Variants in ZNF730 observed in about 807,000 individuals in gnomAD.
The protein encoded by ZNF730 is putative zinc finger protein 730.
Under a neutral mutation model 12.6 loss-of-function variants are expected in ZNF730, and 12 were observed. That is an observed-to-expected ratio of 0.95 (90% CI 0.61 to 1.54). The LOEUF (loss-of-function observed/expected upper bound fraction) is 1.54, where lower values mean the gene tolerates loss of function less well. ZNF730 is among the 40% of genes most tolerant of loss of function. ZNF730 has a pLI of 0.00. For synonymous variants in ZNF730, 194 were observed against 195.8 expected (o/e 0.99, Z 0.08); for missense variants, 643 against 583.5 (o/e 1.10, Z -1.05).
intron 1 of ZNF730, among the ~76,000 whole-genome samples, chr19:23,111,995 C>A (rs1365937003): frequency 4.3e-5 from 5 of 115,750 alleles, no homozygotes; most frequent in Non-Finnish European, 7.6e-5. Context: ...ATGAAGAAAG[C>A]CTTAAGGTGA....
At chr19:23,098,578 C>T (rs1323673004) in intron 1 of ZNF730, among the ~76,000 whole-genome samples, 5 of 152,180 alleles carry the variant, frequency 3.3e-5, no homozygotes, top group Admixed American at 2.0e-4. Context: ...TCCATTTCTA[C>T]CTGTCCCCTG....
chr19:23,106,684 G>A (rs1970395743), intron 1 of ZNF730, among the ~76,000 whole-genome samples: 4 of 151,982 alleles, frequency 2.6e-5, no homozygotes, highest in African/African-American at 7.2e-5. Flanking sequence ...CCAGCTCCTC[G>A]GGAGGTTGAG....
rs560819164 is a variant in ZNF730 at position 23,135,800 on chromosome 19, C to T, written c.131-148C>T. 1,324 of 658,114 alleles carry T rather than the reference C, an allele frequency of 2.0e-3. 6 individuals are homozygous for T. The highest frequency in any genetic ancestry group is 0.013 in the South Asian group (530 of 41,328). 40.8% of individuals were successfully genotyped at this position (658,114 alleles called of 1,614,324 possible). On this transcript the variant is annotated intron_variant, in intron 2 of 3. Coordinates refer to ENST00000597761, the MANE Select transcript of ZNF730 (RefSeq NM_001277403.2). ...TGCTGGTATTAAAGGCATGAGCCAC[C>T]GTGCCTGGTCTATTTAGAAAATTTT...
At chr19:23,117,784 G>C (rs940732034) in intron 1 of ZNF730, among the ~76,000 whole-genome samples, 4 of 152,028 alleles carry the variant, frequency 2.6e-5, no homozygotes, top group Admixed American at 2.6e-4. Flanking sequence ...CAAATTTTCT[G>C]GTTATGTAAT....
At position 23,145,367 on chromosome 19, in the gene ZNF730, A is replaced by C. The variant is rs779571411; in HGVS notation, c.323A>C (p.His108Pro). 1 of 1,594,518 alleles carries C rather than the reference A, an allele frequency of 6.3e-7. No homozygotes were observed. Among genetic ancestry groups the C allele is most frequent in the Non-Finnish European group, 8.5e-7 (1 of 1,171,036 alleles). ...CTGAGACAATATAAAAAATGTAGAC[A>C]TGAGAATTTACTGTTAAGAAAAGGC... Reference protein sequence around the residue: ...VILRQYKKCRHENLLLRKGCK... With the variant: ...VILRQYKKCRPENLLLRKGCK... The change falls in exon 4 of 4, where the codon CAT (histidine) becomes CCT (proline). Residue 108 changes from histidine to proline, a missense_variant. His to Pro is a moderately conservative substitution (Grantham distance 77). Coordinates refer to ENST00000597761, the MANE Select transcript of ZNF730 (RefSeq NM_001277403.2).
intron 1 of ZNF730, among the ~76,000 whole-genome samples, chr19:23,120,687 T>G (rs929785755): frequency 6.6e-6 from 1 of 152,162 alleles, no homozygotes; most frequent in Non-Finnish European, 1.5e-5. Flanking sequence ...TTTGTATGAC[T>G]TTTCATGTCT....
At chr19:23,100,187 G>C (rs1230253903) in intron 1 of ZNF730, 1 of 152,082 alleles carries the variant, frequency 6.6e-6, no homozygotes, top group Non-Finnish European at 1.5e-5. Flanking sequence ...TCTCCTTCCT[G>C]GTCCATGCCC....
intron 1 of ZNF730, among the ~76,000 whole-genome samples, chr19:23,132,424 C>T (rs1368060175): frequency 6.6e-6 from 1 of 152,108 alleles, no homozygotes; most frequent in Non-Finnish European, 1.5e-5. Context: ...TTGTGCTTTT[C>T]CTCTTAAATG....
Position 23,145,780 on chromosome 19 carries a change from CATAAG to C in ZNF730, c.738_742del (p.His246GlnfsTer12). The C allele has an allele frequency of 6.3e-7, 1 of 1,579,462 alleles. No individual in the cohort carries two copies. Among genetic ancestry groups the C allele is most frequent in the African/African-American group, 1.4e-5 (1 of 73,736 alleles). The stretch of plus-strand genomic sequence containing the variant: ...TAACTGGTTTTCACATTTTACTACA[CATAAG>C]AGAATTCATACTGGAGAAAAACCCT... On this transcript the variant is annotated frameshift_variant, in exon 4 of 4. Coordinates refer to ENST00000597761, the MANE Select transcript of ZNF730 (RefSeq NM_001277403.2). LOFTEE classifies it low-confidence loss of function (END_TRUNC).
intron 1 of ZNF730, among the ~76,000 whole-genome samples, chr19:23,092,097 T>G (rs934472725): frequency 1.3e-5 from 2 of 152,172 alleles, no homozygotes; most frequent in African/African-American, 4.8e-5. Flanking sequence ...TGAATATCTC[T>G]CTCAAGATCT....
intron 1 of ZNF730, among the ~76,000 whole-genome samples, chr19:23,106,690 T>C (rs1329150476): frequency 6.6e-6 from 1 of 151,494 alleles, no homozygotes; most frequent in Non-Finnish European, 1.5e-5. Context: ...CCTCGGGAGG[T>C]TGAGGCAGGA....
At chr19:23,076,636 G>A (rs1464646942) in intron 1 of ZNF730, among the ~76,000 whole-genome samples, 1 of 152,106 alleles carries the variant, frequency 6.6e-6, no homozygotes, top group African/African-American at 2.4e-5. Context: ...GCAACTGGGT[G>A]GTCTGGGCCT....
chr19:23,102,979 G>T (rs1163438514), intron 1 of ZNF730, among the ~76,000 whole-genome samples: 1 of 152,158 alleles, frequency 6.6e-6, no homozygotes, highest in Non-Finnish European at 1.5e-5. Flanking sequence ...CCAGCGTTCA[G>T]AACACAGGTG....
intron 1 of ZNF730, among the ~76,000 whole-genome samples, chr19:23,111,644 G>A (rs1195627811): frequency 1.3e-5 from 2 of 152,060 alleles, no homozygotes; most frequent in East Asian, 3.9e-4. Context: ...AGCTACTCGG[G>A]AGGCTGAGGC....
chr19:23,141,666 T>C (rs1032230515), intron 3 of ZNF730, among the ~76,000 whole-genome samples: 3 of 152,102 alleles, frequency 2.0e-5, no homozygotes, highest in African/African-American at 7.2e-5. Context: ...TTAGTTTTTT[T>C]CTCATTATTT....
At chr19:23,114,553 C>T (rs924093878), upstream of ZNF730, among the ~76,000 whole-genome samples, 2 of 150,556 alleles carry the variant, frequency 1.3e-5, no homozygotes, top group African/African-American at 4.9e-5. Flanking sequence ...GGAGTTTCAC[C>T]GTGTTAGCCA....
At chr19:23,085,526 TTA>T (rs1491236309) in intron 1 of ZNF730, among the ~76,000 whole-genome samples, 2 of 124,994 alleles carry the variant, frequency 1.6e-5, no homozygotes, top group African/African-American at 6.4e-5. Flanking sequence ...TTTTTTTTTT[TTA>T]AATATAGACA....
intron 1 of ZNF730, among the ~76,000 whole-genome samples, chr19:23,110,571 G>A (rs907718845): frequency 3.3e-5 from 5 of 152,138 alleles, no homozygotes; most frequent in East Asian, 3.9e-4. Flanking sequence ...ATGAGCCACC[G>A]TGTCTGGCCT....
At chr19:23,085,965 C>T (rs1970057841) in intron 1 of ZNF730, among the ~76,000 whole-genome samples, 2 of 150,620 alleles carry the variant, frequency 1.3e-5, no homozygotes, top group East Asian at 2.0e-4. Context: ...CTGCTTCAGC[C>T]TCCTGAGTAG....
Sources: allele counts gnomAD v4.1 joint callset (sites outside exome capture counted in the v4.1 genomes callset), GRCh38; gene constraint gnomAD v4.1.1; transcripts MANE v1.5; gene names NCBI Gene and HGNC (gene_info 2026-07-23, HGNC 2026-07-21).